Variants in UNC13C observed in about 807,000 individuals in gnomAD.
UNC13C encodes the protein unc-13 homolog C, also known as protein unc-13 homolog C.
In UNC13C, 174 loss-of-function variants were observed where a neutral mutation model predicts 245.4. The ratio of observed to expected loss-of-function variants is 0.71; its 90% CI spans 0.63 to 0.80. UNC13C has a LOEUF of 0.80. UNC13C is among the 30% of genes least tolerant of loss of function. The pLI is 0.00. For missense variants in UNC13C, 2,829 were observed against 2,602.9 expected, an observed-to-expected ratio of 1.09 and a Z score of -1.89; for synonymous variants, 992 against 895.1, an observed-to-expected ratio of 1.11 and a Z score of -1.93.
intron 10 of UNC13C, among the ~76,000 whole-genome samples, chr15:54,285,796 C>G (rs570648867): frequency 6.6e-6 from 1 of 151,374 alleles, no homozygotes; most frequent in Admixed American, 6.6e-5. Context: ...TTGATATATA[C>G]GCTTATAGCT....
intron 4 of UNC13C, among the ~76,000 whole-genome samples, chr15:54,146,880 T>C (rs2032282749): frequency 6.6e-6 from 1 of 152,138 alleles, no homozygotes; most frequent in Non-Finnish European, 1.5e-5. Flanking sequence ...CAAAAGTATA[T>C]GGAGCAGGAA....
intron 8 of UNC13C, among the ~76,000 whole-genome samples, chr15:54,253,705 C>T (rs982632455): frequency 1.3e-5 from 2 of 152,126 alleles, no homozygotes; most frequent in African/African-American, 4.8e-5. Context: ...TGCTGTAGCA[C>T]CTCAGTGGTG....
At chr15:54,235,388 C>T (rs905883846) in intron 5 of UNC13C, among the ~76,000 whole-genome samples, 3 of 152,090 alleles carry the variant, frequency 2.0e-5, no homozygotes, top group Non-Finnish European at 4.4e-5. Flanking sequence ...CACAGCATAC[C>T]AAGCAAGTGA....
intron 19 of UNC13C, among the ~76,000 whole-genome samples, chr15:54,474,673 A>C (rs1596446644): frequency 6.6e-6 from 1 of 152,022 alleles, no homozygotes; most frequent in East Asian, 1.9e-4. Flanking sequence ...TTTGCTGTGC[A>C]GTAGCTTTTT....
chr15:54,277,967 T>C (rs1410446744), intron 10 of UNC13C, among the ~76,000 whole-genome samples: 3 of 152,114 alleles, frequency 2.0e-5, no homozygotes, highest in Non-Finnish European at 4.4e-5. Flanking sequence ...TAAGTACAAG[T>C]AGTAGCCGGT....
chr15:53,863,155 A>G, the UNC13C span, among the ~76,000 whole-genome samples: 15 of 152,222 alleles, frequency 9.9e-5, no homozygotes, highest in Admixed American at 9.8e-4. Flanking sequence ...CTGCAAATGG[A>G]GAAACCAGAA....
In UNC13C at chr15:54,379,172, A is replaced by G. The variant is rs57181234; in HGVS notation, c.4714-13876A>G. Among the ~76,000 whole-genome samples the G allele has an allele frequency of 7.9e-3, 1,208 of 152,240 alleles. 11 individuals carry two copies. The highest frequency in any genetic ancestry group is 0.028 in the African/African-American group (1,154 of 41,576). On this transcript the variant is annotated intron_variant, in intron 17 of 32. Transcript: ENST00000260323. Reference sequence around the variant, plus strand: ...TCTTATTATGTTATTTGAGAAAACTAGTAATCCCTTAGTAACTATTAATTT... The same window carrying G: ...TCTTATTATGTTATTTGAGAAAACTGGTAATCCCTTAGTAACTATTAATTT...
At chr15:54,114,810 ACATGAATGTTTC>A (rs2030109005) in intron 2 of UNC13C, among the ~76,000 whole-genome samples, 1 of 152,178 alleles carries the variant, frequency 6.6e-6, no homozygotes, top group African/African-American at 2.4e-5. Context: ...TGGCAGCATT[ACATGAATGTTTC>A]CATGCATAAG....
chr15:54,364,624 T>A (rs1001031010), intron 17 of UNC13C, among the ~76,000 whole-genome samples: 3 of 152,236 alleles, frequency 2.0e-5, no homozygotes, highest in African/African-American at 4.8e-5. Context: ...TGTAGTGACT[T>A]TTTTGTTGGA....
At chr15:54,354,770 A>T (rs148503025) in intron 17 of UNC13C, among the ~76,000 whole-genome samples, 249 of 152,242 alleles carry the variant, frequency 1.6e-3, no homozygotes, top group African/African-American at 5.7e-3. Flanking sequence ...AGTGCCCCCA[A>T]ATTCTGCATA....
At chr15:53,939,605 C>T in the UNC13C span, among the ~76,000 whole-genome samples, 72 of 152,176 alleles carry the variant, frequency 4.7e-4, no homozygotes, top group South Asian at 6.2e-3. Flanking sequence ...ACTAGCAAAC[C>T]GAATCCAGCA....
intron 19 of UNC13C, among the ~76,000 whole-genome samples, chr15:54,449,952 G>C (rs1891076092): frequency 1.3e-5 from 2 of 152,140 alleles, no homozygotes; most frequent in Non-Finnish European, 2.9e-5. Context: ...TGGGGTTTTG[G>C]TGTGGATGTC....
chr15:54,203,785 TAG>T (rs776422718), intron 4 of UNC13C, among the ~76,000 whole-genome samples: 6 of 105,616 alleles, frequency 5.7e-5, no homozygotes, highest in Non-Finnish European at 9.1e-5. Flanking sequence ...CACACACATA[TAG>T]ATATACACAT....
At chr15:53,951,967 G>A in the UNC13C span, among the ~76,000 whole-genome samples, 1 of 152,132 alleles carries the variant, frequency 6.6e-6, no homozygotes, top group South Asian at 2.1e-4. Flanking sequence ...TCTGTAAATG[G>A]AAAACGTTGA....
At chr15:54,259,404 TG>T (rs1220976016) in intron 8 of UNC13C, among the ~76,000 whole-genome samples, 1 of 152,200 alleles carries the variant, frequency 6.6e-6, no homozygotes, top group Non-Finnish European at 1.5e-5. Flanking sequence ...CTAACAGTCA[TG>T]GCGGAAGGCG....
At chr15:53,903,512 T>C in the UNC13C span, among the ~76,000 whole-genome samples, 188 of 152,346 alleles carry the variant, frequency 1.2e-3, no homozygotes, top group African/African-American at 4.4e-3. Flanking sequence ...AATATCTCCA[T>C]GTGGAACTGG....
intron 2 of UNC13C, among the ~76,000 whole-genome samples, chr15:54,066,649 G>C (rs927259159): frequency 6.6e-6 from 1 of 152,146 alleles, no homozygotes; most frequent in Non-Finnish European, 1.5e-5. Context: ...CACGTGTTAT[G>C]CCTTCAGAAG....
At chr15:54,186,183 G>T (rs1318586500) in intron 4 of UNC13C, among the ~76,000 whole-genome samples, 4 of 151,970 alleles carry the variant, frequency 2.6e-5, no homozygotes, top group African/African-American at 7.3e-5. Flanking sequence ...GAGACAATGG[G>T]GTTTTCTAGA....
the UNC13C span, among the ~76,000 whole-genome samples, chr15:53,901,511 C>T: frequency 1.3e-5 from 2 of 152,228 alleles, no homozygotes; most frequent in South Asian, 4.1e-4. Flanking sequence ...CAGGCGTGAG[C>T]CACCATGACC....
Sources: gnomAD v4.1 joint callset for allele counts (sites outside exome capture counted in the v4.1 genomes callset) on GRCh38, gnomAD v4.1.1 for gene constraint, MANE v1.5 for transcripts, NCBI Gene and HGNC (gene_info 2026-07-23, HGNC 2026-07-21) for gene names.